SLC2A13: variants seen among roughly 807,000 people sequenced by gnomAD.
The protein encoded by SLC2A13 is solute carrier family 2 member 13, also known as proton myo-inositol cotransporter.
SLC2A13 carries 32 observed loss-of-function variants against 64.4 expected under a neutral mutation model. The ratio of observed to expected loss-of-function variants is 0.50; its 90% confidence interval spans 0.37 to 0.67. SLC2A13 has a LOEUF of 0.67. SLC2A13 is among the 30% of genes least tolerant of loss of function. SLC2A13 has a pLI of 0.00. For missense variants in SLC2A13, 743 were observed against 829.2 expected (o/e 0.90, Z 1.28); for synonymous variants, 338 against 327.1 (o/e 1.03, Z -0.36).
chr12:40,020,920 G>GTT (rs59809594), intron 3 of SLC2A13, among the ~76,000 whole-genome samples: 47 of 143,574 alleles, frequency 3.3e-4, no homozygotes, highest in Non-Finnish European at 4.5e-4. Context: ...TACCTTGTGG[G>GTT]TTTTTTTTTT....
chr12:40,014,605 C>A (rs942577309), intron 3 of SLC2A13, among the ~76,000 whole-genome samples: 7 of 152,132 alleles, frequency 4.6e-5, no homozygotes, highest in Admixed American at 3.9e-4. Flanking sequence ...AATTCTCCTG[C>A]CTCAGCCTCC....
intron 3 of SLC2A13, among the ~76,000 whole-genome samples, chr12:39,971,829 G>T (rs1290768257): frequency 6.6e-6 from 1 of 151,112 alleles, no homozygotes; most frequent in Non-Finnish European, 1.5e-5. Context: ...ACAAATATTA[G>T]ATGGGCATGT....
At chr12:39,868,390 A>G (rs1470513881) in intron 5 of SLC2A13, among the ~76,000 whole-genome samples, 21 of 152,206 alleles carry the variant, frequency 1.4e-4, no homozygotes, top group Admixed American at 1.4e-3. Context: ...TTATTAGTAA[A>G]TACTCAAAAA....
At chr12:39,866,265 CAT>C (rs1172845993) in intron 5 of SLC2A13, among the ~76,000 whole-genome samples, 1 of 152,118 alleles carries the variant, frequency 6.6e-6, no homozygotes, top group Admixed American at 6.5e-5. Context: ...TTGTTTAAGA[CAT>C]AGTAGGTGTG....
chr12:39,887,126 C>A (rs1041819971), intron 4 of SLC2A13, among the ~76,000 whole-genome samples: 15 of 151,980 alleles, frequency 9.9e-5, no homozygotes, highest in Non-Finnish European at 1.9e-4. Flanking sequence ...AAATGTAAAC[C>A]CTTATTCATA....
rs1041280159 is a variant in SLC2A13 at position 39,756,350 on chromosome 12, A to T, written c.*3676T>A. 2.0e-5 allele frequency: 3 copies of T among 151,954 alleles called. No individual in the cohort carries two copies. The highest frequency in any genetic ancestry group is 4.4e-5 in the Non-Finnish European group (3 of 67,774). 9.4% of individuals were successfully genotyped at this position (151,954 alleles called of 1,614,324 possible). On this transcript the variant is annotated 3_prime_UTR_variant, in exon 10 of 10. Coordinates refer to ENST00000280871, the MANE Select transcript of SLC2A13 (RefSeq NM_052885.4). ...GAAAAGGTCTTAATTTGGTAATTAA[A>T]AACTTGTCACAACAAGTGAATAAAA...
chr12:40,054,639 A>T (rs897875346), intron 1 of SLC2A13, among the ~76,000 whole-genome samples: 2 of 152,238 alleles, frequency 1.3e-5, no homozygotes, highest in Non-Finnish European at 2.9e-5. Context: ...CAGACACTGC[A>T]GTGCGACCGG....
intron 1 of SLC2A13, among the ~76,000 whole-genome samples, chr12:40,080,397 T>C (rs1938349334): frequency 6.6e-6 from 1 of 152,132 alleles, no homozygotes; most frequent in African/African-American, 2.4e-5. Context: ...TTCAAGGTTT[T>C]GTTTTGTTTT....
chr12:39,870,872 A>G (rs1944031067), intron 5 of SLC2A13, among the ~76,000 whole-genome samples: 1 of 152,180 alleles, frequency 6.6e-6, no homozygotes, highest in Non-Finnish European at 1.5e-5. Context: ...TGGAACTTAG[A>G]ATGTATTTTC....
intron 4 of SLC2A13, among the ~76,000 whole-genome samples, chr12:39,901,534 C>T (rs1403382398): frequency 2.1e-4 from 28 of 132,148 alleles, no homozygotes; most frequent in African/African-American, 8.0e-4. Context: ...GGGCAAAGGA[C>T]ATGAACAGAC....
intron 7 of SLC2A13, among the ~76,000 whole-genome samples, chr12:39,780,957 T>G (rs1326288693): frequency 1.3e-5 from 2 of 152,250 alleles, no homozygotes; most frequent in Non-Finnish European, 2.9e-5. Flanking sequence ...ATAAGAGCTT[T>G]GTAAATAATG....
intron 5 of SLC2A13, among the ~76,000 whole-genome samples, chr12:39,871,100 A>G (rs1360529901): frequency 2.0e-5 from 3 of 152,168 alleles, no homozygotes; most frequent in Non-Finnish European, 4.4e-5. Context: ...AGAAAATTAT[A>G]CCATGCAGCC....
chr12:40,067,093 C>T (rs1334944081), intron 1 of SLC2A13, among the ~76,000 whole-genome samples: 6 of 152,068 alleles, frequency 3.9e-5, no homozygotes, highest in Non-Finnish European at 8.8e-5. Context: ...ACCTGGTTCC[C>T]GGTGTACAAA....
intron 6 of SLC2A13, among the ~76,000 whole-genome samples, chr12:39,859,572 G>C (rs1035958517): frequency 1.3e-5 from 2 of 152,094 alleles, no homozygotes; most frequent in African/African-American, 4.8e-5. Flanking sequence ...ACCCAGGCTG[G>C]AGTGCAGTGG....
At chr12:39,921,720 T>C (rs1333518396) in intron 4 of SLC2A13, among the ~76,000 whole-genome samples, 1 of 152,130 alleles carries the variant, frequency 6.6e-6, no homozygotes, top group East Asian at 1.9e-4. Context: ...ATATCAGATA[T>C]GCCAGTAATA....
chr12:40,035,800 G>T (rs1947974840), intron 2 of SLC2A13, among the ~76,000 whole-genome samples: 2 of 152,166 alleles, frequency 1.3e-5, no homozygotes, highest in East Asian at 1.9e-4. Context: ...CATATAAGTG[G>T]CTTGGCCAGG....
At chr12:39,912,925 G>A (rs571161728) in intron 4 of SLC2A13, among the ~76,000 whole-genome samples, 7 of 152,194 alleles carry the variant, frequency 4.6e-5, no homozygotes, top group Non-Finnish European at 8.8e-5. Context: ...TTTTATATGT[G>A]ACCACAGATT....
intron 7 of SLC2A13, among the ~76,000 whole-genome samples, chr12:39,769,376 G>T (rs1414528126): frequency 6.6e-6 from 1 of 152,000 alleles, no homozygotes; most frequent in Non-Finnish European, 1.5e-5. Context: ...GAGATGCTTT[G>T]TAGGACTTGA....
intron 6 of SLC2A13, among the ~76,000 whole-genome samples, chr12:39,842,546 CA>C (rs1943203462): frequency 6.6e-6 from 1 of 152,032 alleles, no homozygotes; most frequent in African/African-American, 2.4e-5. Context: ...TTACACTCCC[CA>C]GTAAAATGGA....
Sources: allele counts gnomAD v4.1 joint callset (sites outside exome capture counted in the v4.1 genomes callset), GRCh38; gene constraint gnomAD v4.1.1; transcripts MANE v1.5; gene names NCBI Gene and HGNC (gene_info 2026-07-23, HGNC 2026-07-21).